Variants in NARS2 observed in about 807,000 individuals in gnomAD.
NARS2 encodes the protein asparaginyl-tRNA synthetase 2, mitochondrial.
A neutral mutation model predicts 62.9 loss-of-function variants in NARS2; 60 were observed. The ratio of observed to expected loss-of-function variants is 0.95; its 90% CI spans 0.77 to 1.18. The LOEUF (loss-of-function observed/expected upper bound fraction) is 1.18, where lower values mean the gene tolerates loss of function less well. Ranked by LOEUF, NARS2 falls within the 50% of genes most tolerant of loss-of-function variation. NARS2 has a pLI of 0.00. For missense variants in NARS2, 619 were observed against 576.4 expected, an observed-to-expected ratio of 1.07 and a Z score of -0.76; for synonymous variants, 196 against 200.0, an observed-to-expected ratio of 0.98 and a Z score of 0.17.
chr11:78,488,218 G>A (rs1345530290), intron 7 of NARS2, among the ~76,000 whole-genome samples: 2 of 143,818 alleles, frequency 1.4e-5, no homozygotes, highest in Admixed American at 7.0e-5. Context: ...ACCAGTGAGT[G>A]TGTTAGCCTA....
At chr11:78,509,635 G>A (rs180894491) in intron 6 of NARS2, among the ~76,000 whole-genome samples, 1 of 152,142 alleles carries the variant, frequency 6.6e-6, no homozygotes, top group East Asian at 1.9e-4. Flanking sequence ...GCATTTCAAA[G>A]ATTTATTCAT....
At chr11:78,464,165 T>C (rs200821811) in intron 11 of NARS2, among the ~76,000 whole-genome samples, 2 of 151,688 alleles carry the variant, frequency 1.3e-5, no homozygotes, top group East Asian at 3.9e-4. Flanking sequence ...TAACAGCTCT[T>C]TAGGCGGCGT....
intron 5 of NARS2, among the ~76,000 whole-genome samples, chr11:78,537,186 C>T (rs1393627000): frequency 2.0e-5 from 3 of 152,056 alleles, no homozygotes; most frequent in African/African-American, 7.2e-5. Flanking sequence ...CGACACATGA[C>T]CATATATGGA....
At chr11:78,561,819 G>C (rs1459614603) in intron 4 of NARS2, among the ~76,000 whole-genome samples, 1 of 152,152 alleles carries the variant, frequency 6.6e-6, no homozygotes, top group Admixed American at 6.5e-5. Context: ...CAGCACTTTG[G>C]GAGGCTGAGG....
chr11:78,499,663 T>C (rs1408457042), intron 6 of NARS2, among the ~76,000 whole-genome samples: 1 of 152,202 alleles, frequency 6.6e-6, no homozygotes, highest in Non-Finnish European at 1.5e-5. Flanking sequence ...TTAGAACAAA[T>C]TTTAAATTAA....
chr11:78,540,575 C>T (rs1855573338), intron 5 of NARS2, among the ~76,000 whole-genome samples: 1 of 152,200 alleles, frequency 6.6e-6, no homozygotes, highest in South Asian at 2.1e-4. Flanking sequence ...CTACCCCCAC[C>T]TTTTACCCAG....
At chr11:78,440,212 C>A (rs140357882) in intron 13 of NARS2, among the ~76,000 whole-genome samples, 5 of 151,558 alleles carry the variant, frequency 3.3e-5, no homozygotes, top group African/African-American at 7.3e-5. Flanking sequence ...TACAGGCACA[C>A]GCCACCATGC....
intron 6 of NARS2, among the ~76,000 whole-genome samples, chr11:78,524,837 A>C (rs1316506631): frequency 6.6e-6 from 1 of 152,112 alleles, no homozygotes; most frequent in Non-Finnish European, 1.5e-5. Flanking sequence ...TTTTAGGACT[A>C]GGGAAGGGAA....
rs941985366 is a variant in NARS2, at chr11:78,574,824, C to G, written c.-336G>C. ...CCGGGCCGCAACACGCGCAACCACT[C>G]CTACCACACCACGCCAACGCCGCTT... is the stretch of plus-strand genomic sequence containing the variant. On this transcript the variant is annotated 5_prime_UTR_variant, in exon 1 of 14. Coordinates refer to ENST00000281038, the MANE Select transcript of NARS2 (RefSeq NM_024678.6). 5.2e-5 allele frequency: 15 copies of G among 288,776 alleles called. No homozygotes were observed. Among genetic ancestry groups the G allele is most frequent in the Non-Finnish European group, 7.9e-5 (12 of 152,806 alleles). 17.9% of individuals were successfully genotyped at this position (288,776 alleles called of 1,614,324 possible).
rs913861268 is a variant in NARS2 at position 78,571,341 on chromosome 11, T to C, written c.245A>G (p.Asp82Gly). 1.2e-6 allele frequency: 2 copies of C among 1,609,162 alleles called. No homozygotes were observed. Among genetic ancestry groups the C allele is most frequent in the Non-Finnish European group, 1.7e-6 (2 of 1,175,912 alleles). Residue 82 changes from aspartate (D) to glycine (G), a missense_variant, in exon 2 of 14, where the codon GAC becomes GGC. Transcript: ENST00000281038. ...SLQVVADSGL[D>G]SRELNFGSSV... ...TTTAAAAAACAAAACTCACCTACTG[T>C]CAAGGCCTGAATCTGCAACAACCTG... is the stretch of plus-strand genomic sequence containing the variant.
intron 7 of NARS2, among the ~76,000 whole-genome samples, chr11:78,485,291 G>A (rs201677127): frequency 1.1e-4 from 16 of 152,008 alleles, no homozygotes; most frequent in East Asian, 7.7e-4. Flanking sequence ...TGCATGTGGG[G>A]CTTAAAACCT....
In NARS2 at chr11:78,498,304, T is replaced by C. The variant is rs562041518; in HGVS notation, c.690-5109A>G. On this transcript the variant is annotated intron_variant, in intron 6 of 13. Transcript: ENST00000281038. ...GCCTCTTGAAACATTTAACACTATT[T>C]TCCTAGTACTGTCCTCGTTTTCCTT... 3.9e-5 allele frequency among the ~76,000 whole-genome samples: 6 copies of C among 152,298 alleles called. No homozygotes were observed. The South Asian group carries it at 1.0e-3, about 26-fold the overall frequency.
intron 4 of NARS2, among the ~76,000 whole-genome samples, chr11:78,563,177 G>A (rs907258101): frequency 6.7e-6 from 1 of 149,866 alleles, no homozygotes; most frequent in Non-Finnish European, 1.5e-5. Flanking sequence ...ACTCTATCAC[G>A]AATGGTGCTA....
chr11:78,437,974 CAAAAAAAAAAAAAAGAAAGAA>C (rs1173132477), intron 13 of NARS2, among the ~76,000 whole-genome samples: 1 of 116,656 alleles, frequency 8.6e-6, no homozygotes, highest in Non-Finnish European at 1.7e-5. Flanking sequence ...GATTCTGTAT[CAAAAAAAAAAAAAAGAAAGAA>C]AAAAAAAAAA....
intron 4 of NARS2, among the ~76,000 whole-genome samples, chr11:78,563,851 A>AAAAAAAAAAAAT (rs1404770578): frequency 2.9e-5 from 1 of 34,026 alleles, no homozygotes; most frequent in African/African-American, 9.4e-5. Context: ...AAAAAAAAAA[A>AAAAAAAAAAAAT]ATATATATAT....
At position 78,443,590 on chromosome 11, in the gene NARS2, T is replaced by C. The variant is rs145012868; in HGVS notation, c.1262+71A>G. Reference sequence around the variant, plus strand: ...AGGCCCAGGGTCTTCACTCTGTTACTATGCAATGACCACCTTTGAGCGCCT... The same window carrying C: ...AGGCCCAGGGTCTTCACTCTGTTACCATGCAATGACCACCTTTGAGCGCCT... On this transcript the variant is annotated intron_variant, in intron 12 of 13. Transcript: ENST00000281038. 6.0e-5 allele frequency: 64 copies of C among 1,069,502 alleles called. No individual in the cohort carries two copies. In the African/African-American group the frequency reaches 9.7e-4, roughly 16 times the overall value. 66.3% of individuals were successfully genotyped at this position (1,069,502 alleles called of 1,614,324 possible). A position where few individuals can be genotyped will look rare whatever the true frequency, so the allele number is the denominator to read the frequency against.
intron 13 of NARS2, among the ~76,000 whole-genome samples, chr11:78,440,307 A>G (rs987015423): frequency 9.9e-5 from 15 of 151,858 alleles, no homozygotes; most frequent in Non-Finnish European, 1.6e-4. Flanking sequence ...CAAGTGATCC[A>G]CCCACCCAGG....
At chr11:78,566,048 A>T in intron 4 of NARS2, 84 bp downstream of exon 4, 1 of 1,151,546 alleles carries the variant, frequency 8.7e-7, no homozygotes, top group Non-Finnish European at 1.2e-6. Flanking sequence ...CAGACATGTT[A>T]ACATCAGGAG....
At chr11:78,449,123 C>T (rs115652867) in intron 11 of NARS2, among the ~76,000 whole-genome samples, 2,173 of 149,086 alleles carry the variant, frequency 0.015, 55 homozygotes, top group African/African-American at 0.052. Flanking sequence ...TTTTGAGTCA[C>T]CTAAAAAATG....
Sources: allele counts gnomAD v4.1 joint callset (sites outside exome capture counted in the v4.1 genomes callset), GRCh38; gene constraint gnomAD v4.1.1; transcripts MANE v1.5; gene names NCBI Gene and HGNC (gene_info 2026-07-23, HGNC 2026-07-21).